The following SMG6 variants were observed in gnomAD, a reference collection of about 807,000 sequenced individuals.
SMG6 encodes telomerase-binding protein EST1A.
A neutral mutation model predicts 142.2 loss-of-function variants in SMG6; 66 were observed. The ratio of observed to expected loss-of-function variants is 0.46; its 90% CI spans 0.38 to 0.57. The LOEUF is 0.57. Ranked by LOEUF, SMG6 falls within the 20% of genes least tolerant of loss-of-function variation. SMG6 has a pLI of 0.00. For synonymous variants in SMG6, 779 were observed against 702.4 expected (o/e 1.11, Z -1.72); for missense variants, 1,793 against 1,832.0 (o/e 0.98, Z 0.39).
At chr17:2,261,676 T>C (rs1360237102) in intron 8 of SMG6, among the ~76,000 whole-genome samples, 1 of 152,190 alleles carries the variant, frequency 6.6e-6, no homozygotes, top group African/African-American at 2.4e-5. Flanking sequence ...GTGTTGATGG[T>C]GTATGCTATA....
rs2075215572 is a variant in SMG6, at chr17:2,299,257, T to C, written c.1496A>G (p.Tyr499Cys). The change falls in exon 2 of 19, where the codon TAT becomes TGT. Residue 499 changes from tyrosine to cysteine, a missense_variant. Tyr to Cys is a radical substitution (Grantham distance 194). Around this residue, in one of 3 missense-constraint regions of SMG6, gnomAD observed 1,597 missense variants for 1,584.6 expected, o/e 1.01. Coordinates refer to ENST00000263073, the MANE Select transcript of SMG6 (RefSeq NM_017575.5). This position sits in a 1 kb window ranked among gnomAD's most constrained non-coding sequence, Gnocchi z 4.3. The stretch of plus-strand genomic sequence containing the variant: ...GGGGTTGTCAGAGTTTTGAAACTTA[T>C]AGTAAGATGCCTGAGCCTGGCGTGA... ...GDSRQAQASY[Y>C]KFQNSDNPYY... 1.1e-5 allele frequency: 17 copies of C among 1,614,000 alleles called. No homozygotes were observed. The highest frequency in any genetic ancestry group is 1.4e-5 in the Non-Finnish European group (16 of 1,179,978).
intron 13 of SMG6, among the ~76,000 whole-genome samples, chr17:2,109,585 T>G (rs1417702805): frequency 6.6e-6 from 1 of 152,082 alleles, no homozygotes; most frequent in Admixed American, 6.6e-5. Context: ...TTATTAAATA[T>G]TTTCAAGGCA....
chr17:2,264,599 G>A (rs2074382051), intron 8 of SMG6, among the ~76,000 whole-genome samples: 1 of 152,100 alleles, frequency 6.6e-6, no homozygotes, highest in Admixed American at 6.6e-5. Context: ...AGCAACAAAC[G>A]CAACATTAAA....
chr17:2,279,149 C>T (rs369255055), intron 8 of SMG6, among the ~76,000 whole-genome samples: 2 of 152,142 alleles, frequency 1.3e-5, no homozygotes, highest in Admixed American at 6.5e-5. Flanking sequence ...TCCTTGAAAA[C>T]GTGACATTTA....
rs558525224 is a variant in SMG6 at position 2,267,979 on chromosome 17, C to A, written c.2661+14668G>T. 2.2e-3 allele frequency among the ~76,000 whole-genome samples: 328 copies of A among 152,252 alleles called. 1 individual carries two copies. The highest frequency in any genetic ancestry group is 7.5e-3 in the African/African-American group (313 of 41,550). On this transcript the variant is annotated intron_variant, in intron 8 of 18. Transcript: ENST00000263073. ...AGCCAGGGTAGTCTCGATCTCCTGA[C>A]CTCGGGATCCGCCTGCCTTGGCCTC...
rs139417634 is a variant in SMG6 at position 2,062,869 on chromosome 17, G to T, written c.4130-1247C>A. 9.6e-3 allele frequency: 1,458 copies of T among 152,624 alleles called. 28 individuals are homozygous for T. The highest frequency in any genetic ancestry group is 0.033 in the African/African-American group (1,381 of 41,586). 9.5% of individuals were successfully genotyped at this position (152,624 alleles called of 1,614,324 possible). A position where few individuals can be genotyped will look rare whatever the true frequency, so the allele number is the denominator to read the frequency against. On this transcript the variant is annotated intron_variant, in intron 18 of 18. Transcript: ENST00000263073. ...GGGAGGAGTTTGGAGGATTCGGGAG[G>T]GAGAGGTTTGTGGGGTTGGTGGTGG...
chr17:2,158,464 T>G (rs913178333), intron 13 of SMG6, among the ~76,000 whole-genome samples: 1 of 152,234 alleles, frequency 6.6e-6, no homozygotes, highest in Non-Finnish European at 1.5e-5. Context: ...GAATTCACTC[T>G]TAGGCAGCTA....
intron 8 of SMG6, 126 bp downstream of exon 8, chr17:2,282,521 G>C: frequency 2.4e-6 from 2 of 838,380 alleles, no homozygotes; most frequent in Non-Finnish European, 3.9e-6. Context: ...AAGACCATCA[G>C]GGAGCCTCAA....
intron 15 of SMG6, among the ~76,000 whole-genome samples, chr17:2,074,300 T>C (rs2068197783): frequency 6.6e-6 from 1 of 152,012 alleles, no homozygotes; most frequent in African/African-American, 2.4e-5. Context: ...TGGATGTACA[T>C]GAAAAACTGG....
chr17:2,183,051 C>T (rs2071855671), intron 12 of SMG6, among the ~76,000 whole-genome samples: 1 of 152,016 alleles, frequency 6.6e-6, no homozygotes, highest in Admixed American at 6.6e-5. Context: ...TGACAATGCC[C>T]CATCTCTATT....
chr17:2,125,690 T>C (rs766032627), intron 13 of SMG6, among the ~76,000 whole-genome samples: 9 of 152,206 alleles, frequency 5.9e-5, no homozygotes, highest in Non-Finnish European at 1.0e-4. Context: ...CAATGGCTCA[T>C]GCCAGTAGTC....
intron 13 of SMG6, among the ~76,000 whole-genome samples, chr17:2,091,983 CTT>C (rs970734368): frequency 6.7e-6 from 1 of 150,134 alleles, no homozygotes; most frequent in Non-Finnish European, 1.5e-5. Context: ...CGCCTGGCCC[CTT>C]TTTCTTTTTT....
chr17:2,101,255 C>G (rs1307483090), intron 13 of SMG6: 1 of 152,116 alleles, frequency 6.6e-6, no homozygotes, highest in East Asian at 1.9e-4. Flanking sequence ...CATCACCATG[C>G]CCAGCTAATT....
intron 10 of SMG6, among the ~76,000 whole-genome samples, chr17:2,204,642 A>G (rs1003016557): frequency 3.9e-5 from 6 of 152,220 alleles, no homozygotes; most frequent in Non-Finnish European, 8.8e-5. Context: ...CCTGACCTAG[A>G]AGCTGTGGAA....
At chr17:2,125,740 G>T (rs2069853020) in intron 13 of SMG6, among the ~76,000 whole-genome samples, 1 of 152,144 alleles carries the variant, frequency 6.6e-6, no homozygotes, top group African/African-American at 2.4e-5. Flanking sequence ...ATTGCTTGAG[G>T]TCAGGAGTTG....
chr17:2,194,307 T>C (rs1337135332), intron 10 of SMG6, among the ~76,000 whole-genome samples: 1 of 152,138 alleles, frequency 6.6e-6, no homozygotes, highest in African/African-American at 2.4e-5. Flanking sequence ...GATGAAGCAA[T>C]GAGTGAATAT....
intron 13 of SMG6, among the ~76,000 whole-genome samples, chr17:2,121,893 C>T (rs753945801): frequency 6.6e-5 from 10 of 152,018 alleles, no homozygotes; most frequent in Non-Finnish European, 1.0e-4. Context: ...GAGTGCATGG[C>T]GCAATCTCAG....
chr17:2,064,922 A>G, intron 18 of SMG6, 151 bp downstream of exon 18: 1 of 594,918 alleles, frequency 1.7e-6, no homozygotes, highest in Non-Finnish European at 3.0e-6. Flanking sequence ...CAGGACAGGG[A>G]GGTTGGGCCT....
At chr17:2,241,948 C>T (rs762653539) in intron 9 of SMG6, among the ~76,000 whole-genome samples, 24 of 152,162 alleles carry the variant, frequency 1.6e-4, no homozygotes, top group Non-Finnish European at 3.1e-4. Context: ...CCAGGGAACA[C>T]GTGGCAATGT....
Sources: gnomAD v4.1 joint callset for allele counts (sites outside exome capture counted in the v4.1 genomes callset) on GRCh38, gnomAD v4.1.1 for gene constraint, gnomAD v4.1.1 regional missense constraint, Gnocchi (gnomAD v3.1) non-coding constraint, MANE v1.5 for transcripts, NCBI Gene and HGNC (gene_info 2026-07-23, HGNC 2026-07-21) for gene names.